Variants in UGT1A10 observed in about 807,000 individuals in gnomAD.
UGT1A10 encodes the protein UDP glucuronosyltransferase family 1 member A10.
A neutral mutation model predicts 45.8 loss-of-function variants in UGT1A10; 49 were observed. That is an observed-to-expected ratio of 1.07 (90% confidence interval 0.85 to 1.36). UGT1A10 has a LOEUF of 1.36. UGT1A10 is among the 40% of genes most tolerant of loss of function. The pLI is 0.00. For synonymous variants in UGT1A10, 284 were observed against 249.7 expected, an observed-to-expected ratio of 1.14 and a Z score of -1.29; for missense variants, 745 against 668.6, an observed-to-expected ratio of 1.11 and a Z score of -1.26.
chr2:233,738,818 A>T (rs779696858), intron 1 of UGT1A10: 1 of 152,242 alleles, frequency 6.6e-6, no homozygotes. Context: ...AGAAATTTGA[A>T]TAAATAAGGA....
chr2:233,725,079 C>A lies in UGT1A10; in HGVS notation c.856-41955C>A, dbSNP rs370992455. ...GCGCGCGCCTGCAATCGCAGGCACT[C>A]GGCAGGCTGAGGCAGGAGAATCAGG... On this transcript the variant is annotated intron_variant, in intron 1 of 4. Transcript: ENST00000344644. 3.5e-5 allele frequency among the ~76,000 whole-genome samples: 5 copies of A among 144,208 alleles called. 1 individual carries two copies. Among genetic ancestry groups the A allele is most frequent in the Admixed American group, 7.0e-5 (1 of 14,340 alleles). 94.6% of individuals were successfully genotyped at this position (144,208 alleles called of 152,430 possible).
rs1309329692 is a variant in UGT1A10, at chr2:233,769,709, G to A, written c.1295+1270G>A. 5 of 1,509,378 alleles carry A rather than the reference G, an allele frequency of 3.3e-6. No homozygotes were observed. The highest frequency in any genetic ancestry group is 2.0e-5 in the Admixed American group (1 of 49,512). The allele number at this position is 1,509,378 out of a possible 1,614,324, so 93.5% of individuals were successfully genotyped here. A position where few individuals can be genotyped will look rare whatever the true frequency, so the allele number is the denominator to read the frequency against. ...GGCACTGGATAAAAGATCAATGTTG[G>A]CTAGGCACCATGGCACACGCCTGTA... On this transcript the variant is annotated intron_variant, in intron 4 of 4. Transcript: ENST00000344644. The surrounding 1 kb of genome is among the most constrained non-coding windows in gnomAD (Gnocchi z 4.4).
At chr2:233,692,125 C>T (rs948128229) in intron 1 of UGT1A10, 1 of 152,114 alleles carries the variant, frequency 6.6e-6, no homozygotes, top group Non-Finnish European at 1.5e-5. Context: ...TCAATCATGC[C>T]TACTATGTAT....
rs4425071 is a variant in UGT1A10, at chr2:233,645,301, C to T, written c.855+7924C>T. 2.7e-3 allele frequency among the ~76,000 whole-genome samples: 408 copies of T among 152,232 alleles called. 1 individual carries two copies. Among genetic ancestry groups the T allele is most frequent in the African/African-American group, 9.1e-3 (380 of 41,538 alleles). ...AGTGGGAATTGTGGGAGTTACAATT[C>T]AAGATGAGATTTAGGTGGGGACACA... is the stretch of plus-strand genomic sequence containing the variant. On this transcript the variant is annotated intron_variant, in intron 1 of 4. Transcript: ENST00000344644.
chr2:233,725,194 A>G (rs1187550502), intron 1 of UGT1A10, among the ~76,000 whole-genome samples: 1 of 93,184 alleles, frequency 1.1e-5, no homozygotes. Context: ...GCAGAGGCAG[A>G]GGCAGAGGCA....
intron 1 of UGT1A10, among the ~76,000 whole-genome samples, chr2:233,661,872 A>G (rs1181382495): frequency 6.6e-6 from 1 of 151,522 alleles, no homozygotes; most frequent in Non-Finnish European, 1.5e-5. Context: ...TATTATTTAG[A>G]GTTTCTGATA....
At chr2:233,667,981 G>T (rs987333205) in intron 1 of UGT1A10, among the ~76,000 whole-genome samples, 1 of 152,134 alleles carries the variant, frequency 6.6e-6, no homozygotes, top group Non-Finnish European at 1.5e-5. Context: ...TAAAGCAAGG[G>T]TGCAAAAAAT....
intron 1 of UGT1A10, among the ~76,000 whole-genome samples, chr2:233,746,886 T>G (rs1265545295): frequency 6.6e-6 from 1 of 151,624 alleles, no homozygotes; most frequent in Non-Finnish European, 1.5e-5. Context: ...AACAGAGAAG[T>G]AGGAGGCTGT....
intron 1 of UGT1A10, among the ~76,000 whole-genome samples, chr2:233,724,104 C>T (rs1174163777): frequency 1.9e-4 from 20 of 105,450 alleles, no homozygotes; most frequent in African/African-American, 7.3e-4. Context: ...CCAGTAGGGG[C>T]GGCCGGGCAG....
intron 1 of UGT1A10, among the ~76,000 whole-genome samples, chr2:233,745,073 T>G (rs1693008266): frequency 6.6e-6 from 1 of 151,914 alleles, no homozygotes; most frequent in South Asian, 2.1e-4. Context: ...TTTGTATTGT[T>G]TTTTCATTGC....
intron 1 of UGT1A10, among the ~76,000 whole-genome samples, chr2:233,736,159 G>C (rs1376053272): frequency 6.6e-6 from 1 of 152,194 alleles, no homozygotes; most frequent in Non-Finnish European, 1.5e-5. Context: ...GTCAAACGTA[G>C]ATTTGGTCTT....
At position 233,636,474 on chromosome 2, in the gene UGT1A10, A is replaced by G. The variant is rs968912826; in HGVS notation, c.-49A>G. The G allele has an allele frequency of 1.9e-6, 3 of 1,581,354 alleles. No homozygotes were observed. Among genetic ancestry groups the G allele is most frequent in the South Asian group, 1.2e-5 (1 of 84,718 alleles). ...TGCCTGTACTTCTTCCGCCTACTGTATCATAGCAGCTTAGAATCCCAGCTG... is the reference window on the plus strand; with the variant it reads ...TGCCTGTACTTCTTCCGCCTACTGTGTCATAGCAGCTTAGAATCCCAGCTG... On this transcript the variant is annotated 5_prime_UTR_variant, in exon 1 of 5. Coordinates refer to ENST00000344644, the MANE Select transcript of UGT1A10 (RefSeq NM_019075.4).
chr2:233,735,151 G>T (rs1299543720), intron 1 of UGT1A10, among the ~76,000 whole-genome samples: 1 of 152,160 alleles, frequency 6.6e-6, no homozygotes, highest in African/African-American at 2.4e-5. Context: ...GGGAGTCTAA[G>T]TCTCTGTGTA....
At chr2:233,638,337 G>A (rs550600475) in intron 1 of UGT1A10, among the ~76,000 whole-genome samples, 1 of 152,122 alleles carries the variant, frequency 6.6e-6, no homozygotes, top group South Asian at 2.1e-4. Context: ...ACTGATTACT[G>A]GTAATTAAAA....
chr2:233,638,622 G>C (rs758477149), intron 1 of UGT1A10, among the ~76,000 whole-genome samples: 20 of 152,146 alleles, frequency 1.3e-4, no homozygotes, highest in Non-Finnish European at 2.5e-4. Flanking sequence ...ACGCATAGTT[G>C]CTAAATCCAG....
At chr2:233,655,293 C>G (rs148750624) in intron 1 of UGT1A10, among the ~76,000 whole-genome samples, 4 of 152,260 alleles carry the variant, frequency 2.6e-5, no homozygotes, top group Non-Finnish European at 5.9e-5. Context: ...CAACTCTACT[C>G]CCCACTAAGT....
chr2:233,754,397 T>G (rs1695471341), intron 1 of UGT1A10: 2 of 336,018 alleles, frequency 6.0e-6, no homozygotes, highest in African/African-American at 4.3e-5. Flanking sequence ...GTCCTATCCG[T>G]GCAGTCCCAA....
intron 1 of UGT1A10, among the ~76,000 whole-genome samples, chr2:233,665,965 T>A (rs1158750233): frequency 1.3e-5 from 2 of 152,162 alleles, no homozygotes; most frequent in Admixed American, 1.3e-4. Context: ...CCGTTTGCAT[T>A]GCGATAAAGG....
chr2:233,748,052 C>G, intron 1 of UGT1A10: 1 of 1,613,446 alleles, frequency 6.2e-7, no homozygotes, highest in Non-Finnish European at 8.5e-7. Context: ...GGGGCATCAA[C>G]TGTGCCAACA....
Sources: gnomAD v4.1 joint callset for allele counts (sites outside exome capture counted in the v4.1 genomes callset) on GRCh38, gnomAD v4.1.1 for gene constraint, Gnocchi (gnomAD v3.1) non-coding constraint, MANE v1.5 for transcripts, NCBI Gene and HGNC (gene_info 2026-07-23, HGNC 2026-07-21) for gene names.